Variants in AP1M1 observed in about 807,000 individuals in gnomAD.
AP1M1 encodes adaptor related protein complex 1 subunit mu 1.
AP1M1 carries 18 observed loss-of-function variants against 57.1 expected under a neutral mutation model. That is an observed-to-expected ratio of 0.32 (90% CI 0.22 to 0.47). AP1M1 has a LOEUF of 0.47. Ranked by LOEUF, AP1M1 falls within the 20% of genes least tolerant of loss-of-function variation. The pLI, the probability that AP1M1 is intolerant of heterozygous loss-of-function variation, is 1.00. For synonymous variants in AP1M1, 241 were observed against 237.9 expected, an observed-to-expected ratio of 1.01 and a Z score of -0.12; for missense variants, 362 against 593.5, an observed-to-expected ratio of 0.61 and a Z score of 4.05.
rs529034968 is a variant in AP1M1 at position 16,237,840 on chromosome 19, C to G, written c.*3405C>G. ...GCTATTTGCATCATGTCGGCCCCCC[C>G]CAAAAAAATTTTTTTTTTTGAGACA... On this transcript the variant is annotated 3_prime_UTR_variant, in exon 12 of 12. Coordinates refer to ENST00000291439, the MANE Select transcript of AP1M1 (RefSeq NM_032493.4). The G allele has an allele frequency of 3.3e-5, 5 of 152,006 alleles. No individual in the cohort carries two copies. Among genetic ancestry groups the G allele is most frequent in the African/African-American group, 7.2e-5 (3 of 41,394 alleles). The allele number at this position is 152,006 out of a possible 1,614,324, so 9.4% of individuals were successfully genotyped here.
chr19:16,208,155 TG>T lies in AP1M1; in HGVS notation c.398+9del. ...GACAGCAAGATCCTGCAGGAGTGAG[TG>T]GGCAGGGGTGGGGCCTGGGGCCAGG... On this transcript the variant is annotated splice_region_variant and intron_variant, in intron 4 of 11. Transcript: ENST00000291439. 1 of 1,607,916 alleles carries T rather than the reference TG, an allele frequency of 6.2e-7. No homozygotes were observed. The highest frequency in any genetic ancestry group is 8.5e-7 in the Non-Finnish European group (1 of 1,177,258).
intron 5 of AP1M1, among the ~76,000 whole-genome samples, chr19:16,218,626 A>T (rs1401904471): frequency 6.6e-6 from 1 of 152,200 alleles, no homozygotes; most frequent in Non-Finnish European, 1.5e-5. Flanking sequence ...ACCTGTCTGC[A>T]CAGTGTCCCT....
Position 16,244,599 on chromosome 19 carries a change from G to C in AP1M1, c.*10164G>C, listed in dbSNP as rs2145153523. Reference sequence around the variant, plus strand: ...ACATGGATACACTTTGGGAGGCCGAGGCGGGCGGATCACGAGGTCAGGAGA... The same window carrying C: ...ACATGGATACACTTTGGGAGGCCGACGCGGGCGGATCACGAGGTCAGGAGA... On this transcript the variant is annotated 3_prime_UTR_variant, in exon 12 of 12. Coordinates refer to ENST00000291439, the MANE Select transcript of AP1M1 (RefSeq NM_032493.4). 6.6e-6 allele frequency: 1 copy of C among 152,286 alleles called. No individual in the cohort carries two copies. The highest frequency in any genetic ancestry group is 1.9e-4 in the East Asian group (1 of 5,164). 9.4% of individuals were successfully genotyped at this position (152,286 alleles called of 1,614,324 possible).
chr19:16,228,103 C>T lies in AP1M1; in HGVS notation c.817-34C>T, dbSNP rs1400522831. On this transcript the variant is annotated intron_variant, in intron 7 of 11. Coordinates refer to ENST00000291439, the MANE Select transcript of AP1M1 (RefSeq NM_032493.4). The surrounding 1 kb of genome is among the most constrained non-coding windows in gnomAD (Gnocchi z 5.0). ...GAAATGGGCCTTTGTCAAACAAGGC[C>T]AGGTGTGAGCACCCTCTTTGCCCTC... 2.5e-6 allele frequency: 4 copies of T among 1,609,150 alleles called. No homozygotes were observed. The highest frequency in any genetic ancestry group is 3.4e-6 in the Non-Finnish European group (4 of 1,176,746).
rs370663435 is a variant in AP1M1, at chr19:16,244,882, T to TTTTTTTTTTG, written c.*10449_*10450insTTTTTTTGTT. 1 of 149,574 alleles carries TTTTTTTTTTG rather than the reference T, an allele frequency of 6.7e-6. No individual in the cohort carries two copies. Among genetic ancestry groups the TTTTTTTTTTG allele is most frequent in the African/African-American group, 2.5e-5 (1 of 39,910 alleles). 9.3% of individuals were successfully genotyped at this position (149,574 alleles called of 1,614,324 possible). ...TAAATAACATGGATAAAATTTGTTG[T>TTTTTTTTTTG]TTGTTGTTGTTGTTGTTGTTGTTGT... On this transcript the variant is annotated 3_prime_UTR_variant, in exon 12 of 12. Coordinates refer to ENST00000291439, the MANE Select transcript of AP1M1 (RefSeq NM_032493.4).
intron 9 of AP1M1, 119 bp from the exon 10 acceptor site, chr19:16,233,374 T>C: frequency 7.3e-7 from 1 of 1,371,766 alleles, no homozygotes; most frequent in Non-Finnish European, 9.6e-7. Context: ...CAGGGGCTCA[T>C]GCTCCCCTCC....
At position 16,206,566 on chromosome 19, in the gene AP1M1, C is replaced by T; in HGVS notation, c.267+158C>T. On this transcript the variant is annotated intron_variant, in intron 3 of 11. Coordinates refer to ENST00000291439, the MANE Select transcript of AP1M1 (RefSeq NM_032493.4). This position sits in a 1 kb window ranked among gnomAD's most constrained non-coding sequence, Gnocchi z 4.3. ...AGTGGGAAAGGGGAGTCCCAACTCC[C>T]CACGCCTGTGGAATTCTATAGCTCA... 1 of 722,386 alleles carries T rather than the reference C, an allele frequency of 1.4e-6. No individual in the cohort carries two copies. The highest frequency in any genetic ancestry group is 2.5e-5 in the East Asian group (1 of 39,902). 44.7% of individuals were successfully genotyped at this position (722,386 alleles called of 1,614,324 possible).
rs374685672 is a variant in AP1M1 at position 16,228,101 on chromosome 19, G to A, written c.817-36G>A. 2.4e-5 allele frequency: 39 copies of A among 1,607,836 alleles called. No individual in the cohort carries two copies. Among genetic ancestry groups the A allele is most frequent in the Non-Finnish European group, 3.1e-5 (37 of 1,175,730 alleles). ...CTGAAATGGGCCTTTGTCAAACAAG[G>A]CCAGGTGTGAGCACCCTCTTTGCCC... On this transcript the variant is annotated intron_variant, in intron 7 of 11. Transcript: ENST00000291439. This position sits in a 1 kb window ranked among gnomAD's most constrained non-coding sequence, Gnocchi z 5.0.
chr19:16,210,891 A>G (rs1188526792), intron 5 of AP1M1, among the ~76,000 whole-genome samples: 2 of 152,102 alleles, frequency 1.3e-5, no homozygotes, highest in African/African-American at 4.8e-5. Flanking sequence ...AATAATGTTG[A>G]GCATTGCTTT....
At chr19:16,204,754 T>C (rs1460285456) in intron 2 of AP1M1, among the ~76,000 whole-genome samples, 1 of 151,956 alleles carries the variant, frequency 6.6e-6, no homozygotes, top group African/African-American at 2.4e-5. Flanking sequence ...GGCCCAGGGC[T>C]CCCTGTGGTG....
At position 16,206,424 on chromosome 19, in the gene AP1M1, A is replaced by C. The variant is rs572975680; in HGVS notation, c.267+16A>C. The C allele has an allele frequency of 1.4e-5, 22 of 1,613,488 alleles. No individual in the cohort carries two copies. The highest frequency in any genetic ancestry group is 1.7e-5 in the Non-Finnish European group (20 of 1,179,774). On this transcript the variant is annotated intron_variant, in intron 3 of 11. Transcript: ENST00000291439. This position sits in a 1 kb window ranked among gnomAD's most constrained non-coding sequence, Gnocchi z 4.3. Reference sequence around the variant, plus strand: ...GGTGGTGCAGGTGAGTCTCGCTCGGAGGGGCCGTGGGCTTGGGTGGAGGTT... The same window carrying C: ...GGTGGTGCAGGTGAGTCTCGCTCGGCGGGGCCGTGGGCTTGGGTGGAGGTT...
At chr19:16,204,692 A>G (rs1417280088) in intron 2 of AP1M1, among the ~76,000 whole-genome samples, 1 of 152,152 alleles carries the variant, frequency 6.6e-6, no homozygotes, top group Non-Finnish European at 1.5e-5. Flanking sequence ...TCTGCATTGT[A>G]GGAAGATTTG....
chr19:16,209,570 C>T (rs1359958251), intron 5 of AP1M1, among the ~76,000 whole-genome samples: 1 of 150,970 alleles, frequency 6.6e-6, no homozygotes, highest in Non-Finnish European at 1.5e-5. Flanking sequence ...AAATTAGAAG[C>T]AGGGTATGAG....
chr19:16,215,194 C>CAGGGGCGGGGGGGG (rs1568350995), intron 5 of AP1M1, among the ~76,000 whole-genome samples: 4 of 1,920 alleles, frequency 2.1e-3, no homozygotes, highest in Non-Finnish European at 2.7e-3. Flanking sequence ...GAGGCTAAGG[C>CAGGGGCGGGGGGGG]GGGGGCGGGG....
Position 16,233,629 on chromosome 19 carries a change from C to A in AP1M1, c.1173+11C>A. On this transcript the variant is annotated intron_variant, in intron 10 of 11. Coordinates refer to ENST00000291439, the MANE Select transcript of AP1M1 (RefSeq NM_032493.4). The stretch of plus-strand genomic sequence containing the variant: ...ACCTCCGGCATCCAGGTACGTAAGG[C>A]CCAGGCGGCCGGGGCCCAGAACAGG... 6.2e-7 allele frequency: 1 copy of A among 1,606,856 alleles called. No homozygotes were observed. Among genetic ancestry groups the A allele is most frequent in the Non-Finnish European group, 8.5e-7 (1 of 1,176,466 alleles).
chr19:16,233,618 G>A lies in AP1M1; in HGVS notation c.1173G>A (p.Gln391=). The A allele has an allele frequency of 6.2e-7, 1 of 1,610,600 alleles. No individual in the cohort carries two copies. Among genetic ancestry groups the A allele is most frequent in the Non-Finnish European group, 8.5e-7 (1 of 1,178,498 alleles). The change falls in exon 10 of 12, where the codon CAG becomes CAA. Residue 391 remains glutamine (Q), a splice_region_variant and synonymous_variant. Transcript: ENST00000291439. The part of the protein sequence containing the change: ...EIPYFTTSGI[Q]VRYLKIIEKS... The stretch of plus-strand genomic sequence containing the variant: ...CTTACTTCACTACCTCCGGCATCCA[G>A]GTACGTAAGGCCCAGGCGGCCGGGG...
rs1056933295 is a variant in AP1M1 at position 16,242,111 on chromosome 19, G to A, written c.*7676G>A. On this transcript the variant is annotated 3_prime_UTR_variant, in exon 12 of 12. Transcript: ENST00000291439. Reference sequence around the variant, plus strand: ...AGACAGGTGAATTGCTTGAGCCTAGGAGTTTGAGACCAGCCTGGGCAACAT... The same window carrying A: ...AGACAGGTGAATTGCTTGAGCCTAGAAGTTTGAGACCAGCCTGGGCAACAT... 1.3e-5 allele frequency: 2 copies of A among 152,338 alleles called. No individual in the cohort carries two copies. The highest frequency in any genetic ancestry group is 2.9e-5 in the Non-Finnish European group (2 of 68,216). The allele number at this position is 152,338 out of a possible 1,614,324, so 9.4% of individuals were successfully genotyped here.
chr19:16,213,224 A>G (rs1196391932), intron 5 of AP1M1, among the ~76,000 whole-genome samples: 1 of 152,182 alleles, frequency 6.6e-6, no homozygotes, highest in Non-Finnish European at 1.5e-5. Flanking sequence ...GTGGGAGTCT[A>G]AGTCTCTTTG....
rs536635389 is a variant in AP1M1 at position 16,221,872 on chromosome 19, G to A, written c.547-4549G>A. ...TGGCTAATTTTGTATTTTTAGTAGAGACAGGGTTTCTCCATGTCGATCAGG... is the reference window on the plus strand; with the variant it reads ...TGGCTAATTTTGTATTTTTAGTAGAAACAGGGTTTCTCCATGTCGATCAGG... On this transcript the variant is annotated intron_variant, in intron 5 of 11. Transcript: ENST00000291439. 3.9e-5 allele frequency among the ~76,000 whole-genome samples: 6 copies of A among 152,154 alleles called. No homozygotes were observed. In the East Asian group the frequency reaches 1.2e-3, roughly 29 times the overall value.
Sources: allele counts gnomAD v4.1 joint callset (sites outside exome capture counted in the v4.1 genomes callset), GRCh38; gene constraint gnomAD v4.1.1; non-coding constraint Gnocchi (gnomAD v3.1); transcripts MANE v1.5; gene names NCBI Gene and HGNC (gene_info 2026-07-23, HGNC 2026-07-21).